The following RNF38 variants were observed in gnomAD, a reference collection of about 807,000 sequenced individuals.
The protein encoded by RNF38 is E3 ubiquitin-protein ligase RNF38.
Under a neutral mutation model 67.2 loss-of-function variants are expected in RNF38, and 15 were observed. That is an observed-to-expected ratio of 0.22 (90% CI 0.15 to 0.34). RNF38 has a LOEUF of 0.34. RNF38 is among the 10% of genes least tolerant of loss of function. RNF38 has a pLI of 1.00. For missense variants in RNF38, 524 were observed against 639.9 expected (o/e 0.82, Z 1.95); for synonymous variants, 220 against 218.8 (o/e 1.01, Z -0.05).
intron 2 of RNF38, among the ~76,000 whole-genome samples, chr9:36,421,446 T>C (rs1348793722): frequency 3.9e-5 from 6 of 151,916 alleles, no homozygotes. Context: ...GGAGGATCAC[T>C]TGAGGTCAGG....
At chr9:36,441,458 C>G (rs1839188822) in intron 1 of RNF38, among the ~76,000 whole-genome samples, 1 of 151,964 alleles carries the variant, frequency 6.6e-6, no homozygotes, top group Non-Finnish European at 1.5e-5. Flanking sequence ...TCCTGAGGAG[C>G]TGGGATTACA....
At chr9:36,357,235 C>G (rs1423477322) in intron 5 of RNF38, among the ~76,000 whole-genome samples, 1 of 152,184 alleles carries the variant, frequency 6.6e-6, no homozygotes, top group African/African-American at 2.4e-5. Context: ...CTCTCCTATA[C>G]TAGCTGTCTC....
intron 1 of RNF38, among the ~76,000 whole-genome samples, chr9:36,475,145 C>CAAAAAAAAAA (rs10572878): frequency 8.2e-6 from 1 of 122,548 alleles, no homozygotes; most frequent in African/African-American, 3.2e-5. Context: ...GACTCTGCCT[C>CAAAAAAAAAA]AAAAAAAAAA....
chr9:36,385,428 G>T lies in RNF38; in HGVS notation c.162+5039C>A, dbSNP rs1003940332. Among the ~76,000 whole-genome samples the T allele has an allele frequency of 5.3e-5, 8 of 151,226 alleles. No homozygotes were observed. The East Asian group carries it at 1.6e-3, about 29-fold the overall frequency. ...AGTTTCGCTCTTGTCATCCAGGCTGGAGTGCAATGGCGCGATCTCGGCTCA... is the reference window on the plus strand; with the variant it reads ...AGTTTCGCTCTTGTCATCCAGGCTGTAGTGCAATGGCGCGATCTCGGCTCA... On this transcript the variant is annotated intron_variant, in intron 2 of 11. Coordinates refer to ENST00000259605, the MANE Select transcript of RNF38 (RefSeq NM_022781.5).
At chr9:36,406,148 C>T (rs764640419), upstream of RNF38, among the ~76,000 whole-genome samples, 12 of 152,098 alleles carry the variant, frequency 7.9e-5, no homozygotes, top group Middle Eastern at 3.2e-3. Flanking sequence ...TCACTGACAC[C>T]GATGTTGGGG....
At chr9:36,445,486 ATT>A (rs1226564036) in intron 1 of RNF38, among the ~76,000 whole-genome samples, 1 of 152,198 alleles carries the variant, frequency 6.6e-6, no homozygotes, top group East Asian at 1.9e-4. Context: ...CTTCTACACA[ATT>A]TGAGTTTGGA....
chr9:36,485,549 C>A (rs1405251548), intron 1 of RNF38, among the ~76,000 whole-genome samples: 1 of 152,150 alleles, frequency 6.6e-6, no homozygotes, highest in Non-Finnish European at 1.5e-5. Context: ...TTGCATTTCC[C>A]TGATTGTAAG....
intron 2 of RNF38, among the ~76,000 whole-genome samples, chr9:36,382,318 G>A (rs909876263): frequency 6.6e-6 from 1 of 152,128 alleles, no homozygotes; most frequent in African/African-American, 2.4e-5. Flanking sequence ...GGTCATAATG[G>A]GAGGAAGGAA....
intron 8 of RNF38, among the ~76,000 whole-genome samples, chr9:36,351,418 T>A (rs972220820): frequency 6.6e-6 from 1 of 152,204 alleles, no homozygotes; most frequent in Admixed American, 6.5e-5. Flanking sequence ...ATAAGAAGAT[T>A]AGAAGACTCA....
Position 36,482,066 on chromosome 9 carries a change from T to TC in RNF38, n.241+5241_241+5242insG, listed in dbSNP as rs1311475413. On this transcript the variant is annotated intron_variant and non_coding_transcript_variant, in intron 1 of 3. Transcript: ENST00000488058. ...CTTTTGTCTTTTTTTTTTTTTTTTTTTTTTGAGACGAAGTTTCGCTCTTGT... is the reference window on the plus strand; with the variant it reads ...CTTTTGTCTTTTTTTTTTTTTTTTTTCTTTTGAGACGAAGTTTCGCTCTTGT... 6.8e-4 allele frequency among the ~76,000 whole-genome samples: 96 copies of TC among 140,282 alleles called. No individual in the cohort carries two copies. In the Middle Eastern group the frequency reaches 0.011, roughly 16 times the overall value. The allele number at this position is 140,282 out of a possible 152,430, so 92.0% of individuals were successfully genotyped here.
chr9:36,452,635 C>T (rs75580536), intron 1 of RNF38, among the ~76,000 whole-genome samples: 1 of 151,766 alleles, frequency 6.6e-6, no homozygotes, highest in Non-Finnish European at 1.5e-5. Context: ...CTGGTTCAAG[C>T]GACTCTCCTG....
At chr9:36,424,545 G>T in intron 2 of RNF38, 2 of 644,648 alleles carry the variant, frequency 3.1e-6, no homozygotes, top group Non-Finnish European at 3.9e-6. Context: ...CCAGAGTTAC[G>T]CAAGAGAATC....
In RNF38 at chr9:36,340,393, C is replaced by T. The variant is rs143626529; in HGVS notation, c.1486-579G>A. On this transcript the variant is annotated intron_variant, in intron 11 of 11. Coordinates refer to ENST00000259605, the MANE Select transcript of RNF38 (RefSeq NM_022781.5). The stretch of plus-strand genomic sequence containing the variant: ...TAAAAGCTTGGTTAGTCTTTTTTTC[C>T]CCCGTTTTTTGAGACAGGGTTAAAC... 2.3e-4 allele frequency among the ~76,000 whole-genome samples: 35 copies of T among 152,086 alleles called. No individual in the cohort carries two copies. In the East Asian group the frequency reaches 5.4e-3, roughly 23 times the overall value.
At chr9:36,362,289 C>T (rs889691620) in intron 4 of RNF38, among the ~76,000 whole-genome samples, 4 of 151,104 alleles carry the variant, frequency 2.6e-5, no homozygotes, top group African/African-American at 4.9e-5. Flanking sequence ...ATCCAGGAGG[C>T]GGAGGTTGCA....
intron 2 of RNF38, among the ~76,000 whole-genome samples, chr9:36,409,236 T>C (rs1386296703): frequency 2.1e-5 from 2 of 95,832 alleles, no homozygotes; most frequent in African/African-American, 4.3e-5. Flanking sequence ...GAAGGAAGGA[T>C]GGAAGGAAAG....
At chr9:36,399,709 A>G (rs932575965) in intron 1 of RNF38, among the ~76,000 whole-genome samples, 1 of 151,974 alleles carries the variant, frequency 6.6e-6, no homozygotes, top group Non-Finnish European at 1.5e-5. Flanking sequence ...TATTTCTTCC[A>G]TTAGACGGTG....
chr9:36,480,996 T>C lies in RNF38; in HGVS notation n.241+6312A>G, dbSNP rs147963125. On this transcript the variant is annotated intron_variant and non_coding_transcript_variant, in intron 1 of 3. Transcript: ENST00000488058. ...ACCACAAAAGCAGAAAATGCAGTGATAGCTTTTTTTCTTCTCTTTCTTTTT... is the reference window on the plus strand; with the variant it reads ...ACCACAAAAGCAGAAAATGCAGTGACAGCTTTTTTTCTTCTCTTTCTTTTT... Among the ~76,000 whole-genome samples, 904 of 151,586 alleles carry C rather than the reference T, an allele frequency of 6.0e-3. 14 individuals are homozygous for C. Among genetic ancestry groups the C allele is most frequent in the African/African-American group, 0.021 (866 of 41,356 alleles).
intron 1 of RNF38, among the ~76,000 whole-genome samples, chr9:36,392,638 T>A (rs1837196292): frequency 1.3e-5 from 2 of 152,106 alleles, no homozygotes; most frequent in Non-Finnish European, 2.9e-5. Flanking sequence ...GGTGGCACAC[T>A]CCTGTAGTCT....
intron 1 of RNF38, among the ~76,000 whole-genome samples, chr9:36,444,826 G>A (rs888751005): frequency 6.6e-6 from 1 of 151,148 alleles, no homozygotes; most frequent in Admixed American, 6.6e-5. Flanking sequence ...ATAAATAAGG[G>A]AATACCACAC....
Sources: allele counts gnomAD v4.1 joint callset (sites outside exome capture counted in the v4.1 genomes callset), GRCh38; gene constraint gnomAD v4.1.1; transcripts MANE v1.5; gene names NCBI Gene and HGNC (gene_info 2026-07-23, HGNC 2026-07-21).